MND1: variants seen among roughly 807,000 people sequenced by gnomAD.
The protein encoded by MND1 is meiotic nuclear division protein 1 homolog.
Under a neutral mutation model 35.1 loss-of-function variants are expected in MND1, and 28 were observed. The observed-to-expected ratio is 0.80, with a 90% CI of 0.59 to 1.09. The LOEUF is 1.09. Ranked by LOEUF, MND1 falls within the 50% of genes least tolerant of loss-of-function variation. MND1 has a pLI of 0.00. For synonymous variants in MND1, 69 were observed against 70.5 expected, an observed-to-expected ratio of 0.98 and a Z score of 0.11; for missense variants, 213 against 239.6, an observed-to-expected ratio of 0.89 and a Z score of 0.73.
At chr4:153,370,334 A>G (rs1294422252) in intron 4 of MND1, among the ~76,000 whole-genome samples, 1 of 152,032 alleles carries the variant, frequency 6.6e-6, no homozygotes, top group Non-Finnish European at 1.5e-5. Context: ...GATTGCAGCA[A>G]TTCAGTCACA....
chr4:153,359,097 T>TG (rs1402755976), intron 4 of MND1, among the ~76,000 whole-genome samples: 1 of 152,214 alleles, frequency 6.6e-6, no homozygotes, highest in Non-Finnish European at 1.5e-5. Context: ...TGTTATACAT[T>TG]ATGTGAGTTT....
intron 4 of MND1, among the ~76,000 whole-genome samples, chr4:153,370,168 G>T (rs1388942217): frequency 6.6e-6 from 1 of 151,942 alleles, no homozygotes; most frequent in Non-Finnish European, 1.5e-5. Context: ...TGGAATCCCA[G>T]CTACTCAGGA....
chr4:153,379,619 A>T (rs763255236), intron 4 of MND1, among the ~76,000 whole-genome samples: 15 of 152,010 alleles, frequency 9.9e-5, no homozygotes, highest in Non-Finnish European at 2.2e-4. Flanking sequence ...TGGGAGGCTG[A>T]GATGGGTGGA....
intron 4 of MND1, among the ~76,000 whole-genome samples, chr4:153,390,508 A>G (rs1428848388): frequency 2.0e-5 from 3 of 152,190 alleles, no homozygotes; most frequent in Non-Finnish European, 4.4e-5. Flanking sequence ...AAATAATTCC[A>G]AACAGATGTA....
At position 153,344,757 on chromosome 4, in the gene MND1, C is replaced by A; in HGVS notation, c.3+17C>A. 2 of 1,600,360 alleles carry A rather than the reference C, an allele frequency of 1.2e-6. No homozygotes were observed. Among genetic ancestry groups the A allele is most frequent in the Non-Finnish European group, 1.7e-6 (2 of 1,174,584 alleles). On this transcript the variant is annotated intron_variant, in intron 1 of 7. Transcript: ENST00000240488. Reference sequence around the variant, plus strand: ...CGCGCCATGGTAAGGACTGAGGCTACGGTCCCGCGTCTTCTTCCTCCCTAG... The same window carrying A: ...CGCGCCATGGTAAGGACTGAGGCTAAGGTCCCGCGTCTTCTTCCTCCCTAG...
At chr4:153,389,477 C>T (rs1237066395) in intron 4 of MND1, among the ~76,000 whole-genome samples, 1 of 152,168 alleles carries the variant, frequency 6.6e-6, no homozygotes, top group Non-Finnish European at 1.5e-5. Context: ...TCTCCTGCCT[C>T]AGTCTCCTGA....
At chr4:153,378,392 T>A (rs1216507334) in intron 4 of MND1, among the ~76,000 whole-genome samples, 1 of 152,198 alleles carries the variant, frequency 6.6e-6, no homozygotes, top group Non-Finnish European at 1.5e-5. Flanking sequence ...GAGCTCAGCA[T>A]TACCCAAAGT....
In MND1 at chr4:153,414,752, TA is replaced by T; in HGVS notation, c.515del (p.Asn172ThrfsTer5). Reference sequence around the variant, plus strand: ...ATTATTTCTCAATTTTCTTTATAGATAACATATTCGCAATAAAATCTTGGGC... The same window carrying T: ...ATTATTTCTCAATTTTCTTTATAGATACATATTCGCAATAAAATCTTGGGC... ...AKEAANRWTD[N>X]IFAIKSWAKR... On this transcript the variant is annotated frameshift_variant and splice_region_variant, in exon 8 of 8. Coordinates refer to ENST00000240488, the MANE Select transcript of MND1 (RefSeq NM_032117.4). LOFTEE classifies it high-confidence loss of function. 2 of 1,353,236 alleles carry T rather than the reference TA, an allele frequency of 1.5e-6. No individual in the cohort carries two copies. The highest frequency in any genetic ancestry group is 2.1e-6 in the Non-Finnish European group (2 of 975,220). 83.8% of individuals were successfully genotyped at this position (1,353,236 alleles called of 1,614,324 possible). A position where few individuals can be genotyped will look rare whatever the true frequency, so the allele number is the denominator to read the frequency against.
At chr4:153,373,534 G>T (rs1402769206) in intron 4 of MND1, among the ~76,000 whole-genome samples, 3 of 152,140 alleles carry the variant, frequency 2.0e-5, no homozygotes, top group African/African-American at 7.2e-5. Flanking sequence ...AGTGAATCTA[G>T]CTTTTAAAAA....
intron 7 of MND1, among the ~76,000 whole-genome samples, chr4:153,412,397 A>G (rs1460445791): frequency 1.3e-5 from 2 of 151,882 alleles, no homozygotes; most frequent in African/African-American, 2.4e-5. Flanking sequence ...CAAGATCAAG[A>G]TGTTGGCAGG....
intron 4 of MND1, among the ~76,000 whole-genome samples, chr4:153,364,319 C>T (rs1773570693): frequency 6.6e-6 from 1 of 151,856 alleles, no homozygotes; most frequent in Admixed American, 6.6e-5. Flanking sequence ...GAATTCAAGA[C>T]CAGCCTGGCA....
At chr4:153,402,534 T>C (rs2149656843) in intron 6 of MND1, among the ~76,000 whole-genome samples, 1 of 152,314 alleles carries the variant, frequency 6.6e-6, no homozygotes, top group African/African-American at 2.4e-5. Flanking sequence ...GTATTGAATT[T>C]GCCTATACTC....
chr4:153,382,215 GA>G (rs953791523), intron 4 of MND1, among the ~76,000 whole-genome samples: 2 of 150,632 alleles, frequency 1.3e-5, no homozygotes, highest in African/African-American at 2.4e-5. Flanking sequence ...AACTTATTTT[GA>G]AAAAAAATAG....
chr4:153,394,170 G>T (rs543543071), intron 4 of MND1, 92 bp from the exon 5 acceptor site: 22 of 1,106,194 alleles, frequency 2.0e-5, no homozygotes, highest in African/African-American at 3.1e-5. Context: ...GTGCTGGGGC[G>T]TGAGCCACTG....
chr4:153,362,910 A>G lies in MND1; in HGVS notation c.276+4288A>G, dbSNP rs1320416873. The stretch of plus-strand genomic sequence containing the variant: ...TTACAGTTCCACCGCCTCATGTTTT[A>G]TACAGGATGAGTACTGCATAAAATT... On this transcript the variant is annotated intron_variant, in intron 4 of 7. Coordinates refer to ENST00000240488, the MANE Select transcript of MND1 (RefSeq NM_032117.4). 4.3e-6 allele frequency: 3 copies of G among 690,340 alleles called. No individual in the cohort carries two copies. In the African/African-American group the frequency reaches 5.9e-5, roughly 13 times the overall value. The allele number at this position is 690,340 out of a possible 1,614,324, so 42.8% of individuals were successfully genotyped here.
chr4:153,380,591 CAGAAA>C (rs1428599970), intron 4 of MND1, among the ~76,000 whole-genome samples: 3 of 152,202 alleles, frequency 2.0e-5, no homozygotes, highest in Admixed American at 2.0e-4. Flanking sequence ...TCAGTCTGAA[CAGAAA>C]TTGTAGTTCT....
At chr4:153,409,615 G>A (rs1055461903) in intron 7 of MND1, among the ~76,000 whole-genome samples, 6 of 152,092 alleles carry the variant, frequency 3.9e-5, no homozygotes, top group Middle Eastern at 3.2e-3. Context: ...AGTCAAAGGC[G>A]ATTAGTCACT....
At chr4:153,380,617 A>C (rs1728649769) in intron 4 of MND1, among the ~76,000 whole-genome samples, 1 of 152,184 alleles carries the variant, frequency 6.6e-6, no homozygotes, top group Non-Finnish European at 1.5e-5. Flanking sequence ...CTTAACGAAG[A>C]AGGGCTGGCT....
chr4:153,348,888 T>G (rs1377917626), intron 1 of MND1, among the ~76,000 whole-genome samples: 1 of 152,232 alleles, frequency 6.6e-6, no homozygotes, highest in African/African-American at 2.4e-5. Flanking sequence ...TTCCAAATCC[T>G]TGTCTTCACT....
Sources: gnomAD v4.1 joint callset for allele counts (sites outside exome capture counted in the v4.1 genomes callset) on GRCh38, gnomAD v4.1.1 for gene constraint, MANE v1.5 for transcripts, NCBI Gene and HGNC (gene_info 2026-07-23, HGNC 2026-07-21) for gene names.